EZH2: variants seen among roughly 807,000 people sequenced by gnomAD.
EZH2 encodes the protein enhancer of zeste 2 polycomb repressive complex 2 subunit, also known as histone-lysine N-methyltransferase EZH2.
Under a neutral mutation model 98.4 loss-of-function variants are expected in EZH2, and 18 were observed. The observed-to-expected ratio is 0.18, with a 90% CI of 0.13 to 0.27. EZH2 has a LOEUF of 0.27. Among genes scored for constraint, EZH2 ranks in the 10% least tolerant of loss-of-function variants. EZH2 has a pLI of 1.00. For missense variants in EZH2, 470 were observed against 935.1 expected (o/e 0.50, Z 6.49); for synonymous variants, 338 against 312.3 (o/e 1.08, Z -0.87).
Position 148,839,057 on chromosome 7 carries a change from G to GAAGGAAGA in EZH2, c.247-6308_247-6307insTCTTCCTT, listed in dbSNP as rs1223973663. On this transcript the variant is annotated intron_variant, in intron 3 of 19. Transcript: ENST00000320356. ...ATAGAGCAAAACTCTGTCAAATAAG[G>GAAGGAAGA]AAGGAAGGAAGGAAGGAAGGAAGGA... 4.8e-5 allele frequency among the ~76,000 whole-genome samples: 6 copies of GAAGGAAGA among 123,712 alleles called. 1 individual carries two copies. In the South Asian group the frequency reaches 1.5e-3, roughly 31 times the overall value. The allele number at this position is 123,712 out of a possible 152,430, so 81.2% of individuals were successfully genotyped here.
At chr7:148,861,803 TAAAAAAAAA>T (rs10628711) in intron 1 of EZH2, among the ~76,000 whole-genome samples, 2 of 143,462 alleles carry the variant, frequency 1.4e-5, no homozygotes, top group African/African-American at 5.2e-5. Context: ...TTCTTTTATT[TAAAAAAAAA>T]AAAAAAAAAT....
At chr7:148,850,146 G>A (rs1348577133) in intron 1 of EZH2, among the ~76,000 whole-genome samples, 1 of 152,118 alleles carries the variant, frequency 6.6e-6, no homozygotes, top group East Asian at 1.9e-4. Context: ...AGCCTCCCAA[G>A]TAGGTGGGAC....
chr7:148,879,714 A>G (rs2129495134), intron 1 of EZH2, among the ~76,000 whole-genome samples: 1 of 152,160 alleles, frequency 6.6e-6, no homozygotes, highest in East Asian at 1.9e-4. Flanking sequence ...TAAATAATAA[A>G]TAAATAAATT....
chr7:148,850,235 G>T (rs1815354500), intron 1 of EZH2, among the ~76,000 whole-genome samples: 1 of 152,016 alleles, frequency 6.6e-6, no homozygotes. Flanking sequence ...AGCCAGGATG[G>T]TCTCAATCTC....
In EZH2 at chr7:148,870,386, A is replaced by G. The variant is rs189298992; in HGVS notation, c.-8+13778T>C. On this transcript the variant is annotated intron_variant, in intron 1 of 19. Transcript: ENST00000320356. ...AATAAGGATTGCACAGTTTTTTCCT[A>G]TCATCAGCATACTGTTTAATAAGTA... is the stretch of plus-strand genomic sequence containing the variant. 1.2e-3 allele frequency among the ~76,000 whole-genome samples: 183 copies of G among 152,160 alleles called. 2 individuals carry two copies. Among genetic ancestry groups the G allele is most frequent in the African/African-American group, 4.3e-3 (178 of 41,514 alleles).
chr7:148,878,318 T>C (rs1486659283), intron 1 of EZH2, among the ~76,000 whole-genome samples: 1 of 152,216 alleles, frequency 6.6e-6, no homozygotes, highest in African/African-American at 2.4e-5. Flanking sequence ...TCTGTCTCCA[T>C]AGAGTTGCCT....
At chr7:148,839,552 T>C (rs933104054) in intron 3 of EZH2, among the ~76,000 whole-genome samples, 2 of 150,290 alleles carry the variant, frequency 1.3e-5, no homozygotes, top group Non-Finnish European at 3.0e-5. Context: ...CTGCAAAACA[T>C]ATGACAAAAA....
At chr7:148,827,067 G>C in intron 7 of EZH2, 97 bp downstream of exon 7, 1 of 858,832 alleles carries the variant, frequency 1.2e-6, no homozygotes, top group East Asian at 2.5e-5. Flanking sequence ...ACAAAGTGTA[G>C]TGGCTCATCC....
chr7:148,860,461 C>T (rs1177458179), intron 1 of EZH2, among the ~76,000 whole-genome samples: 3 of 152,040 alleles, frequency 2.0e-5, no homozygotes, highest in Non-Finnish European at 2.9e-5. Context: ...ACTGCTACAA[C>T]AGAGAATACA....
chr7:148,880,426 C>T (rs1481362077), intron 1 of EZH2, among the ~76,000 whole-genome samples: 2 of 152,188 alleles, frequency 1.3e-5, no homozygotes, highest in East Asian at 1.9e-4. Context: ...CCCTCTCTCG[C>T]CCTTTCCCTT....
At chr7:148,822,899 A>G (rs1806575707) in intron 8 of EZH2, among the ~76,000 whole-genome samples, 1 of 152,108 alleles carries the variant, frequency 6.6e-6, no homozygotes, top group Non-Finnish European at 1.5e-5. Context: ...CCAAGACTGC[A>G]CCACTGCACT....
chr7:148,854,279 A>G (rs942195847), intron 1 of EZH2, among the ~76,000 whole-genome samples: 2 of 152,144 alleles, frequency 1.3e-5, no homozygotes, highest in African/African-American at 4.8e-5. Context: ...TACTAAAAAT[A>G]CAAAAAATTA....
intron 13 of EZH2, among the ~76,000 whole-genome samples, chr7:148,815,250 CG>C (rs1387665968): frequency 2.0e-5 from 3 of 152,168 alleles, no homozygotes; most frequent in Admixed American, 2.0e-4. Context: ...ATCTAAAGCA[CG>C]GCTACATCTC....
In EZH2 at chr7:148,826,544, G is replaced by C; in HGVS notation, c.817C>G (p.Gln273Glu). The C allele has an allele frequency of 6.2e-7, 1 of 1,601,294 alleles. No homozygotes were observed. Residue 273 changes from glutamine (Q) to glutamate (E), a missense_variant, in exon 8 of 20, where the codon CAG becomes GAG. This residue lies in a region of EZH2 where 192 missense variants were observed against 306.8 expected (regional missense o/e 0.63). Coordinates refer to ENST00000320356, the MANE Select transcript of EZH2 (RefSeq NM_004456.5). ...AAGGAGTGTAAGCTTTGCTCTCTCT[G>C]AACAGATTTAGCATTTGGTCCATCT... is the stretch of plus-strand genomic sequence containing the variant. ...NIDGPNAKSV[Q>E]REQSLHSFHT...
chr7:148,834,529 A>G (rs996250735), intron 3 of EZH2, among the ~76,000 whole-genome samples: 6 of 152,166 alleles, frequency 3.9e-5, no homozygotes, highest in African/African-American at 7.2e-5. Context: ...TCTCTCAATC[A>G]TCACAGTCAC....
In EZH2 at chr7:148,814,121, C is replaced by G. The variant is rs144723981; in HGVS notation, c.1689G>C (p.Pro563=). 127 of 1,612,990 alleles carry G rather than the reference C, an allele frequency of 7.9e-5. No homozygotes were observed. The highest frequency in any genetic ancestry group is 1.1e-4 in the Non-Finnish European group (124 of 1,179,712). ...QCSSECQNRF[P]GCRCKAQCNT... is the part of the protein sequence containing the mutation. ...TGCACTGTGCTTTGCAGCGGCATCC[C>G]GGAAAGCGGTTTTGACCTTCAGAGA... The change falls in exon 15 of 20, where the codon CCG becomes CCC. Residue 563 remains proline, a synonymous_variant. Coordinates refer to ENST00000320356, the MANE Select transcript of EZH2 (RefSeq NM_004456.5).
intron 11 of EZH2, 69 bp downstream of exon 11, chr7:148,817,153 T>G: frequency 7.0e-7 from 1 of 1,430,146 alleles, no homozygotes; most frequent in Non-Finnish European, 9.3e-7. Flanking sequence ...TTTCTTTGTT[T>G]GGACAACGAG....
intron 1 of EZH2, among the ~76,000 whole-genome samples, chr7:148,868,257 G>A (rs955819058): frequency 6.6e-6 from 1 of 152,094 alleles, no homozygotes; most frequent in African/African-American, 2.4e-5. Context: ...GCTGAGGGTG[G>A]GTAATTTATA....
At chr7:148,846,372 CCT>C in intron 3 of EZH2, 96 bp downstream of exon 3, 2 of 1,354,422 alleles carry the variant, frequency 1.5e-6, no homozygotes, top group Admixed American at 4.2e-5. Context: ...AGATGGACAC[CCT>C]GAGGTCAATG....
Sources: gnomAD v4.1 joint callset for allele counts (sites outside exome capture counted in the v4.1 genomes callset) on GRCh38, gnomAD v4.1.1 for gene constraint, gnomAD v4.1.1 regional missense constraint, MANE v1.5 for transcripts, NCBI Gene and HGNC (gene_info 2026-07-23, HGNC 2026-07-21) for gene names.